The following SENP1 variants were observed in gnomAD, a reference collection of about 807,000 sequenced individuals.
SENP1 encodes the protein SUMO specific peptidase 1.
A neutral mutation model predicts 93.0 loss-of-function variants in SENP1; 21 were observed. That is an observed-to-expected ratio of 0.23 (90% CI 0.16 to 0.33). The LOEUF is 0.33. Ranked by LOEUF, SENP1 falls within the 10% of genes least tolerant of loss-of-function variation. The probability of loss-of-function intolerance (pLI) is 1.00; values close to 1 mark genes in which losing one functional copy is unlikely to be tolerated. For synonymous variants in SENP1, 256 were observed against 259.6 expected, an observed-to-expected ratio of 0.99 and a Z score of 0.13; for missense variants, 591 against 758.7, an observed-to-expected ratio of 0.78 and a Z score of 2.60.
intron 9 of SENP1, among the ~76,000 whole-genome samples, chr12:48,068,387 G>C (rs1592358758): frequency 6.6e-6 from 1 of 152,098 alleles, no homozygotes; most frequent in Non-Finnish European, 1.5e-5. Context: ...CTCTGCTCTA[G>C]ATGTTTTATG....
intron 10 of SENP1, among the ~76,000 whole-genome samples, 180 bp from the exon 11 acceptor site, chr12:48,065,860 T>G (rs1943260762): frequency 6.6e-6 from 1 of 152,188 alleles, no homozygotes; most frequent in Non-Finnish European, 1.5e-5. Flanking sequence ...GAAATTACTC[T>G]ACCATTTTTA....
chr12:48,074,813 A>C lies in SENP1; in HGVS notation c.553-20T>G. ...AACTGTCTATAAGAAAACAAAAAAA[A>C]AAAACAGTTTAAACACATCCAATAA... On this transcript the variant is annotated intron_variant, in intron 6 of 17. Transcript: ENST00000549518. 1 of 1,524,902 alleles carries C rather than the reference A, an allele frequency of 6.6e-7. No individual in the cohort carries two copies. Among genetic ancestry groups the C allele is most frequent in the Non-Finnish European group, 9.0e-7 (1 of 1,116,260 alleles). The allele number at this position is 1,524,902 out of a possible 1,614,324, so 94.5% of individuals were successfully genotyped here. A position where few individuals can be genotyped will look rare whatever the true frequency, so the allele number is the denominator to read the frequency against.
chr12:48,083,603 A>G lies in SENP1; in HGVS notation c.540T>C (p.Ser180=), dbSNP rs1944636829. The G allele has an allele frequency of 6.2e-7, 1 of 1,613,716 alleles. No homozygotes were observed. The change falls in exon 6 of 18, where the codon AGT becomes AGC. Residue 180 remains serine (S), a synonymous_variant. Transcript: ENST00000549518. ...SPKKTQRRHV[S]TAEETVQEEE... is the part of the protein sequence containing the mutation. ...ACGTTTTCCTTACCTCTTCTGCTGT[A>G]CTAACATGTCGCCTCTGAGTTTTCT... is the stretch of plus-strand genomic sequence containing the variant.
intron 13 of SENP1, among the ~76,000 whole-genome samples, chr12:48,052,256 ACCAG>A (rs1941875999): frequency 6.6e-6 from 1 of 152,166 alleles, no homozygotes. Context: ...TCCCCAGTAA[ACCAG>A]CCAAACTATT....
At chr12:48,056,688 T>C (rs1208800168) in intron 13 of SENP1, among the ~76,000 whole-genome samples, 1 of 92,892 alleles carries the variant, frequency 1.1e-5, no homozygotes, top group Non-Finnish European at 1.8e-5. Context: ...CATATATAAA[T>C]ATATTATTTA....
intron 2 of SENP1, 104 bp from the exon 3 acceptor site, chr12:48,098,228 G>C: frequency 8.5e-7 from 1 of 1,181,280 alleles, no homozygotes; most frequent in Non-Finnish European, 1.2e-6. Flanking sequence ...ACCCAGGCAT[G>C]GTGTCTCATG....
rs1430512477 is a variant in SENP1, at chr12:48,093,280, G to T, written c.220+3063C>A. Among the ~76,000 whole-genome samples, 5 of 126,510 alleles carry T rather than the reference G, an allele frequency of 4.0e-5. No homozygotes were observed. In the East Asian group the frequency reaches 7.0e-4, roughly 18 times the overall value. 83.0% of individuals were successfully genotyped at this position (126,510 alleles called of 152,430 possible). On this transcript the variant is annotated intron_variant, in intron 4 of 17. Coordinates refer to ENST00000549518, the MANE Select transcript of SENP1 (RefSeq NM_001267594.2). ...TTGCCAAGGAATGAATTCAGGTGAG[G>T]TTTTTTTTTTTTTTTTTTTTGGAAA... is the stretch of plus-strand genomic sequence containing the variant.
intron 15 of SENP1, among the ~76,000 whole-genome samples, chr12:48,047,392 A>T (rs1197311161): frequency 1.3e-5 from 2 of 152,198 alleles, no homozygotes; most frequent in Non-Finnish European, 2.9e-5. Context: ...GGTCCTTTAG[A>T]ACTCAATCTA....
intron 9 of SENP1, among the ~76,000 whole-genome samples, chr12:48,067,919 G>T (rs1466613666): frequency 6.6e-6 from 1 of 152,188 alleles, no homozygotes; most frequent in Admixed American, 6.5e-5. Flanking sequence ...GGAGTACAGT[G>T]GCACAATCTC....
intron 13 of SENP1, among the ~76,000 whole-genome samples, chr12:48,055,996 T>C (rs1173625736): frequency 1.5e-5 from 2 of 130,958 alleles, no homozygotes; most frequent in African/African-American, 3.0e-5. Flanking sequence ...ATATATATTA[T>C]TTAATATATA....
intron 4 of SENP1, among the ~76,000 whole-genome samples, chr12:48,091,604 A>G (rs1218425093): frequency 6.6e-6 from 1 of 152,186 alleles, no homozygotes; most frequent in Non-Finnish European, 1.5e-5. Context: ...CATATTTTCC[A>G]AAGAGAAGAC....
intron 13 of SENP1, among the ~76,000 whole-genome samples, chr12:48,050,415 G>GA (rs921804564): frequency 9.8e-5 from 15 of 152,288 alleles, no homozygotes; most frequent in African/African-American, 3.4e-4. Context: ...GCAGCTGCGG[G>GA]AAAACCACAC....
Position 48,065,207 on chromosome 12 carries a change from C to T in SENP1, c.1133G>A (p.Arg378Gln), listed in dbSNP as rs748755383. The part of the protein sequence containing the change: ...LQLQNQRLQE[R>Q]EHSVHDSVEL... ...TACTGAATCATGTACTGAATGTTCC[C>T]GCTCCTGCAATCTCTGAAAGATAAA... is the stretch of plus-strand genomic sequence containing the variant. The change falls in exon 12 of 18, where the codon CGG (arginine) becomes CAG (glutamine). Residue 378 changes from arginine to glutamine, a missense_variant. By Grantham distance (43) the Arg-to-Gln change is conservative (BLOSUM62 1). This residue lies in a region of SENP1 where 238 missense variants were observed against 259.1 expected (regional missense o/e 0.92). Coordinates refer to ENST00000549518, the MANE Select transcript of SENP1 (RefSeq NM_001267594.2). 33 of 1,598,406 alleles carry T rather than the reference C, an allele frequency of 2.1e-5. No individual in the cohort carries two copies. The highest frequency in any genetic ancestry group is 8.1e-5 in the African/African-American group (6 of 74,522).
chr12:48,087,242 G>A (rs535025568), intron 5 of SENP1, among the ~76,000 whole-genome samples: 1 of 152,110 alleles, frequency 6.6e-6, no homozygotes, highest in African/African-American at 2.4e-5. Context: ...AACTCATTTT[G>A]GAAAAAAAGT....
chr12:48,091,621 A>G (rs1369589900), intron 4 of SENP1, among the ~76,000 whole-genome samples: 2 of 152,154 alleles, frequency 1.3e-5, no homozygotes. Flanking sequence ...AGACATTGAT[A>G]ATGATTCTAA....
intron 13 of SENP1, among the ~76,000 whole-genome samples, chr12:48,056,461 CATAT>C (rs1942376437): frequency 1.0e-5 from 1 of 96,870 alleles, no homozygotes; most frequent in Non-Finnish European, 1.8e-5. Flanking sequence ...TTACATATTA[CATAT>C]ATAAATATAT....
intron 6 of SENP1, 33 bp from the exon 7 acceptor site, chr12:48,074,826 A>T: frequency 7.2e-7 from 1 of 1,392,674 alleles, no homozygotes; most frequent in Non-Finnish European, 1.0e-6. Context: ...AACAGTTTAA[A>T]CACATCCAAT....
chr12:48,084,377 T>A (rs1277861275), intron 5 of SENP1, among the ~76,000 whole-genome samples: 3 of 152,016 alleles, frequency 2.0e-5, no homozygotes, highest in African/African-American at 7.2e-5. Flanking sequence ...TGGGAAAAAT[T>A]GGCAAATTGG....
At position 48,083,694 on chromosome 12, in the gene SENP1, A is replaced by C. The variant is rs1944641411; in HGVS notation, c.449T>G (p.Phe150Cys). The change falls in exon 6 of 18, where the codon TTT becomes TGT. Residue 150 changes from phenylalanine to cysteine, a missense_variant. Phe to Cys is a radical substitution (Grantham distance 205, BLOSUM62 -2). Around this residue, in one of 4 missense-constraint regions of SENP1, gnomAD observed 214 missense variants for 243.4 expected, o/e 0.88. Coordinates refer to ENST00000549518, the MANE Select transcript of SENP1 (RefSeq NM_001267594.2). The part of the protein sequence containing the change: ...HCHVSAYEKS[F>C]PIKPVPSPSW... ...TGGACTTGGAACAGGTTTAATAGGA[A>C]AAGATTTTTCATATGCAGATACATG... 1 of 1,613,366 alleles carries C rather than the reference A, an allele frequency of 6.2e-7. No individual in the cohort carries two copies. Among genetic ancestry groups the C allele is most frequent in the Non-Finnish European group, 8.5e-7 (1 of 1,179,614 alleles).
Sources: gnomAD v4.1 joint callset for allele counts (sites outside exome capture counted in the v4.1 genomes callset) on GRCh38, gnomAD v4.1.1 for gene constraint, gnomAD v4.1.1 regional missense constraint, MANE v1.5 for transcripts, NCBI Gene and HGNC (gene_info 2026-07-23, HGNC 2026-07-21) for gene names.